Variants in DMD observed in about 807,000 individuals in gnomAD.
DMD encodes the protein mutant dystrophin.
In DMD, 63 loss-of-function variants were observed where a neutral mutation model predicts 330.1. The observed-to-expected ratio is 0.19, with a 90% confidence interval of 0.16 to 0.24. DMD has a LOEUF of 0.24. Among genes scored for constraint, DMD ranks in the 10% least tolerant of loss-of-function variants. The pLI, the probability that DMD is intolerant of heterozygous loss-of-function variation, is 1.00. For missense variants in DMD, 3,344 were observed against 2,684.1 expected (o/e 1.25, Z -5.43); for synonymous variants, 1,223 against 959.8 (o/e 1.27, Z -5.07).
chrX:32,381,804 A>C (rs1265733605), intron 33 of DMD, among the ~76,000 whole-genome samples: 2 of 110,704 alleles, frequency 1.8e-5, no homozygotes, highest in Non-Finnish European at 3.8e-5. Context: ...TTTAAAAAAA[A>C]CCCTTGTCTG....
intron 67 of DMD, among the ~76,000 whole-genome samples, chrX:31,198,915 G>C (rs990602534): frequency 5.4e-5 from 6 of 111,916 alleles, no homozygotes; most frequent in African/African-American, 2.0e-4. Flanking sequence ...TGGGGGAGGG[G>C]TGTTTATTTA....
In DMD at chrX:32,573,783, C is replaced by T. The variant is rs182708940; in HGVS notation, c.1666G>A (p.Asp556Asn). 268 of 1,210,208 alleles carry T rather than the reference C, an allele frequency of 2.2e-4. 1 individual carries two copies. The East Asian group carries it at 6.4e-3, about 29-fold the overall frequency. ...AGACGTTGCCATTTGAGAAGGATGT[C>T]TTGTAAAAGAACCCAGCGGTCTTCT... ...WTEDRWVLLQ[D>N]ILLKWQRLTE... Residue 556 changes from aspartate (D) to asparagine (N), a missense_variant, in exon 14 of 79, where the codon GAC becomes AAC. Transcript: ENST00000357033.
chrX:32,645,262 G>C (rs1401263242), intron 9 of DMD, 110 bp from the exon 10 acceptor site: 3 of 840,255 alleles, frequency 3.6e-6, no homozygotes, highest in Admixed American at 2.8e-5. Context: ...ACTGTCCACT[G>C]GCATTATCAA....
intron 4 of DMD, among the ~76,000 whole-genome samples, chrX:32,839,437 C>A (rs1019748713): frequency 8.9e-6 from 1 of 111,745 alleles, no homozygotes; most frequent in Non-Finnish European, 1.9e-5. Flanking sequence ...ATATTGCCTA[C>A]CATGTGGCTG....
chrX:32,575,324 A>C (rs892359271), intron 13 of DMD, among the ~76,000 whole-genome samples: 1 of 112,474 alleles, frequency 8.9e-6, no homozygotes, highest in South Asian at 3.6e-4. Context: ...CAGTATTAAC[A>C]TAATCATGTA....
intron 60 of DMD, among the ~76,000 whole-genome samples, chrX:31,372,623 C>A (rs986197202): frequency 1.8e-5 from 2 of 111,658 alleles, no homozygotes; most frequent in Admixed American, 9.5e-5. Flanking sequence ...AATTCAACAA[C>A]CCTTCATGCT....
At position 32,730,601 on chromosome X, in the gene DMD, G is replaced by C. The variant is rs192558264; in HGVS notation, c.650-31308C>G. Among the ~76,000 whole-genome samples, 52 of 112,022 alleles carry C rather than the reference G, an allele frequency of 4.6e-4. No individual in the cohort carries two copies. The East Asian group carries it at 0.012, about 26-fold the overall frequency. ...TTGCCCTAGGAATAAGCTTAAAGTAGTAAGAGATAAGACTAAAAGAAAGGA... is the reference window on the plus strand; with the variant it reads ...TTGCCCTAGGAATAAGCTTAAAGTACTAAGAGATAAGACTAAAAGAAAGGA... On this transcript the variant is annotated intron_variant, in intron 7 of 78. Coordinates refer to ENST00000357033, the MANE Select transcript of DMD (RefSeq NM_004006.3).
intron 7 of DMD, among the ~76,000 whole-genome samples, chrX:32,736,874 A>T (rs776944639): frequency 3.5e-4 from 39 of 110,311 alleles, no homozygotes; most frequent in African/African-American, 1.3e-3. Flanking sequence ...TATGTAACTA[A>T]CCTGCACAAT....
intron 2 of DMD, among the ~76,000 whole-genome samples, chrX:32,902,970 A>G (rs1477013687): frequency 9.3e-6 from 1 of 107,927 alleles, no homozygotes; most frequent in Non-Finnish European, 1.9e-5. Context: ...CAGCCTGGCC[A>G]ACATGATGAA....
At chrX:31,573,092 TAAAGG>T (rs935888844) in intron 55 of DMD, among the ~76,000 whole-genome samples, 7 of 111,279 alleles carry the variant, frequency 6.3e-5, no homozygotes, top group Non-Finnish European at 1.3e-4. Flanking sequence ...AAGGGTTAAG[TAAAGG>T]AGAGGATGAA....
rs1263300774 is a variant in DMD at position 32,855,204 on chromosome X, CCA to C, written c.94-5386_94-5385del. Among the ~76,000 whole-genome samples the C allele has an allele frequency of 3.6e-5, 4 of 111,764 alleles. No individual in the cohort carries two copies. The East Asian group carries it at 1.1e-3, about 32-fold the overall frequency. The stretch of plus-strand genomic sequence containing the variant: ...ACAGTAAAAGCCACATATGAGAAAC[CCA>C]CAGCTAATTTCATACTGAATGGGGA... On this transcript the variant is annotated intron_variant, in intron 2 of 78. Transcript: ENST00000357033.
chrX:32,604,769 T>C (rs1026142872), intron 12 of DMD, among the ~76,000 whole-genome samples: 1 of 104,604 alleles, frequency 9.6e-6, no homozygotes, highest in Non-Finnish European at 2.0e-5. Context: ...ATGATCAAGC[T>C]GAGAACCAAA....
chrX:32,941,151 C>T (rs1184564810), intron 2 of DMD, among the ~76,000 whole-genome samples: 1 of 111,389 alleles, frequency 9.0e-6, no homozygotes, highest in African/African-American at 3.3e-5. Context: ...CAAAAAACAA[C>T]AAATGCTGGT....
rs143081727 is a variant in DMD, at chrX:31,655,645, C to T, written c.8027+2345G>A. Among the ~76,000 whole-genome samples, 230 of 110,844 alleles carry T rather than the reference C, an allele frequency of 2.1e-3. 2 individuals carry two copies. Among genetic ancestry groups the T allele is most frequent in the African/African-American group, 6.8e-3 (207 of 30,479 alleles). Reference sequence around the variant, plus strand: ...GACATGAAGGCTCTGCCTTCATGAACGGATTAGCATCATTATTGTGGGAGT... The same window carrying T: ...GACATGAAGGCTCTGCCTTCATGAATGGATTAGCATCATTATTGTGGGAGT... On this transcript the variant is annotated intron_variant, in intron 54 of 78. Transcript: ENST00000357033.
chrX:31,417,582 G>T (rs2061938602), intron 60 of DMD, among the ~76,000 whole-genome samples: 1 of 111,700 alleles, frequency 9.0e-6, no homozygotes, highest in South Asian at 3.7e-4. Flanking sequence ...GCAGGGGAGG[G>T]ATGTTTTCTA....
rs764789298 is a variant in DMD, at chrX:31,968,377, C to A, written c.6576G>T (p.Trp2192Cys). The A allele has an allele frequency of 1.4e-5, 17 of 1,208,838 alleles. No individual in the cohort carries two copies. In the South Asian group the frequency reaches 2.6e-4, roughly 19 times the overall value. ...QEKLGSLNLR[W>C]QEVCKQLSDR... is the part of the protein sequence containing the mutation. ...CTGACAGCTGTTTGCAGACCTCCTG[C>A]CACCGCAGATTCAGGCTTCCCAATT... Residue 2192 changes from tryptophan to cysteine, a missense_variant, in exon 45 of 79, where the codon TGG (tryptophan) becomes TGT (cysteine). Coordinates refer to ENST00000357033, the MANE Select transcript of DMD (RefSeq NM_004006.3).
At chrX:32,472,642 A>G (rs1444416344) in intron 21 of DMD, among the ~76,000 whole-genome samples, 1 of 110,992 alleles carries the variant, frequency 9.0e-6, no homozygotes, top group Admixed American at 9.7e-5. Flanking sequence ...GGTGATACAG[A>G]TGGTATTTGC....
Position 32,900,976 on chromosome X carries a change from G to C in DMD, c.94-51156C>G, listed in dbSNP as rs755843575. Among the ~76,000 whole-genome samples, 4 of 111,140 alleles carry C rather than the reference G, an allele frequency of 3.6e-5. No individual in the cohort carries two copies. The South Asian group carries it at 1.5e-3, about 42-fold the overall frequency. On this transcript the variant is annotated intron_variant, in intron 2 of 78. Transcript: ENST00000357033. ...CTTGTTATATAGAGAAATCTAAAAT[G>C]TAAGGCAGTAAGCAGCTACTCTTCC...
At chrX:32,178,993 TG>T (rs1183459026) in intron 44 of DMD, among the ~76,000 whole-genome samples, 102 of 100,081 alleles carry the variant, frequency 1.0e-3, no homozygotes, top group Middle Eastern at 5.0e-3. Flanking sequence ...CCTCTCCTCC[TG>T]CTCCTCCTCC....
Sources: gnomAD v4.1 joint callset for allele counts (sites outside exome capture counted in the v4.1 genomes callset) on GRCh38, gnomAD v4.1.1 for gene constraint, MANE v1.5 for transcripts, NCBI Gene and HGNC (gene_info 2026-07-23, HGNC 2026-07-21) for gene names.